The following BMP3 variants were observed in gnomAD, a reference collection of about 807,000 sequenced individuals.
The protein encoded by BMP3 is bone morphogenetic protein 3 (osteogenic).
BMP3 carries 23 observed loss-of-function variants against 38.1 expected under a neutral mutation model. The ratio of observed to expected loss-of-function variants is 0.60; its 90% confidence interval spans 0.43 to 0.86. The LOEUF (loss-of-function observed/expected upper bound fraction) is 0.86, where lower values mean the gene tolerates loss of function less well. BMP3 is among the 40% of genes least tolerant of loss of function. The pLI, the probability that BMP3 is intolerant of heterozygous loss-of-function variation, is 0.00. For synonymous variants in BMP3, 258 were observed against 225.7 expected (o/e 1.14, Z -1.28); for missense variants, 628 against 579.6 (o/e 1.08, Z -0.86).
In BMP3 at chr4:81,046,400, C is replaced by G. The variant is rs1740246872; in HGVS notation, c.979C>G (p.Gln327Glu). 6.2e-7 allele frequency: 1 copy of G among 1,613,802 alleles called. No homozygotes were observed. The highest frequency in any genetic ancestry group is 1.1e-5 in the South Asian group (1 of 91,082). Residue 327 changes from glutamine to glutamate, a missense_variant, in exon 2 of 3, where the codon CAG becomes GAG. Transcript: ENST00000282701. ...ERKPYKTLQA[Q>E]APEKSKNKKK... ...AAAGCCTTACAAGACCCTTCAGGCT[C>G]AGGCCCCTGAAAAGAGTAAGAATAA...
chr4:81,048,766 C>G (rs550321442), intron 2 of BMP3, among the ~76,000 whole-genome samples: 2 of 152,150 alleles, frequency 1.3e-5, no homozygotes, highest in Admixed American at 6.5e-5. Context: ...TAAATGTACA[C>G]GCTTGGTCAT....
At chr4:81,052,524 C>T (rs1015833936) in intron 2 of BMP3, among the ~76,000 whole-genome samples, 4 of 152,164 alleles carry the variant, frequency 2.6e-5, no homozygotes, top group Non-Finnish European at 5.9e-5. Context: ...ACTCAGGCTT[C>T]TTTGGTGAAA....
At chr4:81,036,625 A>T (rs1461413031) in intron 1 of BMP3, among the ~76,000 whole-genome samples, 1 of 152,052 alleles carries the variant, frequency 6.6e-6, no homozygotes, top group Admixed American at 6.6e-5. Context: ...GTAAATTTTT[A>T]TGATTATGTT....
At chr4:81,053,261 A>G (rs1740442955) in intron 2 of BMP3, 84 bp from the exon 3 acceptor site, 2 of 1,003,414 alleles carry the variant, frequency 2.0e-6, no homozygotes, top group Admixed American at 3.0e-5. Flanking sequence ...AATTCATTAG[A>G]TAAGCATTTT....
Position 81,046,344 on chromosome 4 carries a change from A to G in BMP3, c.923A>G (p.Gln308Arg). 6.2e-7 allele frequency: 1 copy of G among 1,614,092 alleles called. No homozygotes were observed. Among genetic ancestry groups the G allele is most frequent in the Middle Eastern group, 1.7e-4 (1 of 6,056 alleles). The change falls in exon 2 of 3, where the codon CAG becomes CGG. Residue 308 changes from glutamine to arginine, a missense_variant. Coordinates refer to ENST00000282701, the MANE Select transcript of BMP3 (RefSeq NM_001201.5). ...AACGAGCTTCCTGGGGCAGAATACCAGTATAAAAAGGATGAGGTGTGGGAG... is the reference window on the plus strand; with the variant it reads ...AACGAGCTTCCTGGGGCAGAATACCGGTATAAAAAGGATGAGGTGTGGGAG... The part of the protein sequence containing the change: ...QNNELPGAEY[Q>R]YKKDEVWEER...
At chr4:81,036,259 C>T (rs887282836) in intron 1 of BMP3, among the ~76,000 whole-genome samples, 1 of 151,800 alleles carries the variant, frequency 6.6e-6, no homozygotes, top group Non-Finnish European at 1.5e-5. Flanking sequence ...GTTTTATCAC[C>T]ATTACTACCT....
At chr4:81,036,604 G>A (rs1044313335) in intron 1 of BMP3, among the ~76,000 whole-genome samples, 1 of 151,938 alleles carries the variant, frequency 6.6e-6, no homozygotes, top group Non-Finnish European at 1.5e-5. Context: ...TCTATGCCAT[G>A]TTTCAGTTGA....
intron 1 of BMP3, among the ~76,000 whole-genome samples, chr4:81,037,854 C>T (rs1739962261): frequency 6.6e-6 from 1 of 152,028 alleles, no homozygotes; most frequent in Non-Finnish European, 1.5e-5. Context: ...TAATTGTTCT[C>T]AAAGTATAGT....
intron 2 of BMP3, among the ~76,000 whole-genome samples, chr4:81,050,732 T>G (rs1740381177): frequency 6.6e-6 from 1 of 152,178 alleles, no homozygotes; most frequent in African/African-American, 2.4e-5. Flanking sequence ...AATCTTGATG[T>G]GCTAAGTTAC....
intron 2 of BMP3, among the ~76,000 whole-genome samples, chr4:81,052,652 G>A (rs940233398): frequency 6.6e-6 from 1 of 152,156 alleles, no homozygotes; most frequent in African/African-American, 2.4e-5. Context: ...TGGAGCAACA[G>A]TGACCCCCAG....
Position 81,046,072 on chromosome 4 carries a change from A to T in BMP3, c.651A>T (p.Ile217=). 1.2e-6 allele frequency: 2 copies of T among 1,614,190 alleles called. No homozygotes were observed. Among genetic ancestry groups the T allele is most frequent in the Non-Finnish European group, 1.7e-6 (2 of 1,180,008 alleles). The change falls in exon 2 of 3, where the codon ATA becomes ATT. Residue 217 remains isoleucine, a synonymous_variant. Transcript: ENST00000282701. ...RKAKENEEFL[I]GFNITSKGRQ... is the part of the protein sequence containing the mutation. ...CCAAAGAAAATGAAGAGTTCCTCAT[A>T]GGATTTAACATTACGTCCAAGGGAC...
chr4:81,034,769 T>G (rs1380847442), intron 1 of BMP3, among the ~76,000 whole-genome samples: 1 of 152,142 alleles, frequency 6.6e-6, no homozygotes, highest in East Asian at 1.9e-4. Flanking sequence ...TCTTTCCTCC[T>G]ATGACCAAAG....
chr4:81,032,447 A>AT (rs1201980851), intron 1 of BMP3, among the ~76,000 whole-genome samples: 2 of 152,270 alleles, frequency 1.3e-5, no homozygotes, highest in Admixed American at 1.3e-4. Flanking sequence ...GAAGGGAATA[A>AT]CTTATGCTAA....
At chr4:81,051,810 C>A (rs1430052301) in intron 2 of BMP3, among the ~76,000 whole-genome samples, 1 of 151,990 alleles carries the variant, frequency 6.6e-6, no homozygotes, top group Non-Finnish European at 1.5e-5. Flanking sequence ...CAAAGTTAAC[C>A]AGTCTTTTTA....
chr4:81,051,275 A>T (rs930329981), intron 2 of BMP3, among the ~76,000 whole-genome samples: 1 of 152,190 alleles, frequency 6.6e-6, no homozygotes, highest in East Asian at 1.9e-4. Context: ...GTTGATAGGA[A>T]CTATTTCCAC....
At chr4:81,040,981 G>A (rs1196870333) in intron 1 of BMP3, among the ~76,000 whole-genome samples, 2 of 152,030 alleles carry the variant, frequency 1.3e-5, no homozygotes, top group Admixed American at 6.6e-5. Flanking sequence ...GACTAGAAAA[G>A]GTGAATATTA....
intron 1 of BMP3, among the ~76,000 whole-genome samples, chr4:81,035,219 T>C (rs1322887188): frequency 6.6e-6 from 1 of 152,092 alleles, no homozygotes. Context: ...TCATGAATTC[T>C]TCATTATTCA....
intron 1 of BMP3, among the ~76,000 whole-genome samples, chr4:81,042,266 T>A (rs1201268146): frequency 1.3e-5 from 2 of 152,204 alleles, no homozygotes; most frequent in Non-Finnish European, 2.9e-5. Flanking sequence ...AATTTGAATG[T>A]AAGTGGCTAC....
intron 1 of BMP3, among the ~76,000 whole-genome samples, chr4:81,034,450 A>G (rs1200596960): frequency 6.6e-6 from 1 of 152,154 alleles, no homozygotes; most frequent in African/African-American, 2.4e-5. Flanking sequence ...AAAGAAGAAT[A>G]TTTTACATGA....
Sources: gnomAD v4.1 joint callset for allele counts (sites outside exome capture counted in the v4.1 genomes callset) on GRCh38, gnomAD v4.1.1 for gene constraint, MANE v1.5 for transcripts, NCBI Gene and HGNC (gene_info 2026-07-23, HGNC 2026-07-21) for gene names.